Variants in SYN3 observed in about 807,000 individuals in gnomAD.
SYN3 encodes synapsin III.
SYN3 carries 35 observed loss-of-function variants against 65.8 expected under a neutral mutation model. The ratio of observed to expected loss-of-function variants is 0.53; its 90% confidence interval spans 0.41 to 0.70. SYN3 has a LOEUF of 0.70. Among genes scored for constraint, SYN3 ranks in the 30% least tolerant of loss-of-function variants. The pLI is 0.00. For synonymous variants in SYN3, 270 were observed against 292.9 expected, an observed-to-expected ratio of 0.92 and a Z score of 0.80; for missense variants, 680 against 749.0, an observed-to-expected ratio of 0.91 and a Z score of 1.08.
At chr22:32,761,601 T>C (rs1299430352) in intron 6 of SYN3, among the ~76,000 whole-genome samples, 1 of 152,140 alleles carries the variant, frequency 6.6e-6, no homozygotes, top group Non-Finnish European at 1.5e-5. Context: ...CAGGTGCTTC[T>C]GGTGGGGGTG....
chr22:32,553,209 C>T (rs139196854), intron 7 of SYN3, among the ~76,000 whole-genome samples: 25 of 152,290 alleles, frequency 1.6e-4, no homozygotes, highest in Non-Finnish European at 2.8e-4. Flanking sequence ...TGGGCTTTAC[C>T]GGGGACACAA....
chr22:33,047,526 T>G (rs1325458578), intron 1 of SYN3, among the ~76,000 whole-genome samples: 1 of 152,080 alleles, frequency 6.6e-6, no homozygotes, highest in East Asian at 1.9e-4. Context: ...AAGTTCAACA[T>G]CTCCCTTCTA....
chr22:32,859,473 G>A (rs936909080), intron 6 of SYN3: 3 of 1,431,668 alleles, frequency 2.1e-6, no homozygotes, highest in Non-Finnish European at 2.8e-6. Context: ...ATTAGTGCCT[G>A]TTTTCTTGCA....
In SYN3 at chr22:32,560,558, G is replaced by A. The variant is rs562018950; in HGVS notation, c.775-18845C>T. On this transcript the variant is annotated intron_variant, in intron 7 of 13. Transcript: ENST00000358763. ...CAGACAATAGCAAGAGCCAAGGCCT[G>A]AGGTGCGACATTGACGTGTGTGCTT... 1.1e-4 allele frequency among the ~76,000 whole-genome samples: 17 copies of A among 152,282 alleles called. No individual in the cohort carries two copies. In the South Asian group the frequency reaches 3.5e-3, roughly 32 times the overall value.
intron 6 of SYN3, among the ~76,000 whole-genome samples, chr22:32,607,361 C>A (rs761465187): frequency 5.9e-5 from 9 of 152,152 alleles, no homozygotes; most frequent in Non-Finnish European, 1.2e-4. Flanking sequence ...GAATTCCCAT[C>A]AAAAATGTTC....
At chr22:32,811,742 G>A (rs557060885) in intron 6 of SYN3, among the ~76,000 whole-genome samples, 4 of 152,262 alleles carry the variant, frequency 2.6e-5, no homozygotes, top group East Asian at 1.9e-4. Context: ...TGAGAATGGC[G>A]GGGTTCTGTG....
chr22:32,559,692 G>C (rs1455744724), intron 7 of SYN3, among the ~76,000 whole-genome samples: 1 of 152,154 alleles, frequency 6.6e-6, no homozygotes, highest in Non-Finnish European at 1.5e-5. Flanking sequence ...GCCGGGCGTG[G>C]CGGCGGGTGG....
intron 4 of SYN3, among the ~76,000 whole-genome samples, chr22:32,890,491 C>T (rs2049414361): frequency 6.6e-6 from 1 of 151,980 alleles, no homozygotes; most frequent in Non-Finnish European, 1.5e-5. Context: ...CACCATTCTC[C>T]TGCCTCAGCC....
At chr22:32,639,144 G>A (rs78747735) in intron 6 of SYN3, among the ~76,000 whole-genome samples, 27,463 of 151,946 alleles carry the variant, frequency 0.18, 2,770 homozygotes, top group Non-Finnish European at 0.2. Flanking sequence ...TAGTAGAGAC[G>A]GGGTTTCACC....
intron 7 of SYN3, among the ~76,000 whole-genome samples, chr22:32,569,571 C>CTATA (rs1555898682): frequency 1.4e-3 from 124 of 90,866 alleles, no homozygotes; most frequent in South Asian, 3.6e-3. Flanking sequence ...CTCTCTCTCT[C>CTATA]TATATATATA....
At chr22:32,541,109 C>G (rs2058246542) in intron 8 of SYN3, among the ~76,000 whole-genome samples, 1 of 152,176 alleles carries the variant, frequency 6.6e-6, no homozygotes, top group African/African-American at 2.4e-5. Context: ...GCAGAGAAAT[C>G]TGGTGTAACC....
intron 6 of SYN3, among the ~76,000 whole-genome samples, chr22:32,631,154 G>T (rs2059742301): frequency 6.6e-6 from 1 of 152,102 alleles, no homozygotes; most frequent in African/African-American, 2.4e-5. Context: ...AATTAACTGG[G>T]CGTGGTGGCA....
intron 4 of SYN3, among the ~76,000 whole-genome samples, chr22:32,918,968 G>A (rs2050262545): frequency 6.6e-6 from 1 of 152,172 alleles, no homozygotes; most frequent in African/African-American, 2.4e-5. Context: ...AAGCCAGGCC[G>A]CCTACCTGGG....
chr22:32,716,651 C>T (rs543515704), intron 6 of SYN3, among the ~76,000 whole-genome samples: 27 of 152,202 alleles, frequency 1.8e-4, no homozygotes, highest in Admixed American at 8.5e-4. Context: ...CCATCTTAGC[C>T]TCTGGAGTGG....
intron 6 of SYN3, among the ~76,000 whole-genome samples, chr22:32,637,630 C>CTTTTTTT (rs1185407986): frequency 1.2e-3 from 115 of 93,566 alleles, no homozygotes; most frequent in East Asian, 1.8e-3. Context: ...TTTTCTTTTT[C>CTTTTTTT]TTTTTTTTTT....
chr22:32,897,117 C>T (rs1162076039), intron 4 of SYN3, among the ~76,000 whole-genome samples: 3 of 152,174 alleles, frequency 2.0e-5, no homozygotes, highest in African/African-American at 4.8e-5. Flanking sequence ...GAAGGACCTG[C>T]TCCTGACTCC....
chr22:32,759,462 G>A (rs1239318726), intron 6 of SYN3, among the ~76,000 whole-genome samples: 1 of 152,158 alleles, frequency 6.6e-6, no homozygotes, highest in Non-Finnish European at 1.5e-5. Flanking sequence ...TCATGGCACA[G>A]CTAACAGAAG....
chr22:32,802,152 C>A, intron 6 of SYN3: 3 of 1,568,322 alleles, frequency 1.9e-6, no homozygotes, highest in Non-Finnish European at 2.6e-6. Context: ...CGCCCGAGCC[C>A]CACGCTGCAG....
chr22:32,921,071 C>T (rs765820630), intron 4 of SYN3, among the ~76,000 whole-genome samples: 6 of 152,120 alleles, frequency 3.9e-5, no homozygotes, highest in African/African-American at 7.2e-5. Flanking sequence ...AAATACCTCA[C>T]GTTCCCTTAG....
Sources: gnomAD v4.1 joint callset for allele counts (sites outside exome capture counted in the v4.1 genomes callset) on GRCh38, gnomAD v4.1.1 for gene constraint, MANE v1.5 for transcripts, NCBI Gene and HGNC (gene_info 2026-07-23, HGNC 2026-07-21) for gene names.